PALM2AKAP2: variants seen among roughly 807,000 people sequenced by gnomAD.
The protein encoded by PALM2AKAP2 is PALM2 and AKAP2 fusion.
Under a neutral mutation model 71.5 loss-of-function variants are expected in PALM2AKAP2, and 37 were observed. That is an observed-to-expected ratio of 0.52 (90% CI 0.40 to 0.68). The LOEUF (loss-of-function observed/expected upper bound fraction) is 0.68, where lower values mean the gene tolerates loss of function less well. PALM2AKAP2 is among the 30% of genes least tolerant of loss of function. The pLI is 0.00. For missense variants in PALM2AKAP2, 1,224 were observed against 1,191.8 expected (o/e 1.03, Z -0.40); for synonymous variants, 468 against 478.8 (o/e 0.98, Z 0.29).
chr9:109,723,745 G>T (rs890265480), intron 1 of PALM2AKAP2, among the ~76,000 whole-genome samples: 1 of 152,230 alleles, frequency 6.6e-6, no homozygotes, highest in Non-Finnish European at 1.5e-5. Flanking sequence ...AAGCAAAGGT[G>T]GTGAGGGTGG....
At chr9:110,073,921 C>T (rs775498151) in intron 1 of PALM2AKAP2, among the ~76,000 whole-genome samples, 3 of 152,038 alleles carry the variant, frequency 2.0e-5, no homozygotes, top group African/African-American at 4.8e-5. Flanking sequence ...TGTGTCTTCC[C>T]ACAAAATACA....
At chr9:109,833,306 G>A (rs1358843839) in intron 1 of PALM2AKAP2, among the ~76,000 whole-genome samples, 1 of 152,172 alleles carries the variant, frequency 6.6e-6, no homozygotes, top group East Asian at 1.9e-4. Flanking sequence ...AGTAAGCCGG[G>A]ATCACGCCAC....
intron 6 of PALM2AKAP2, among the ~76,000 whole-genome samples, chr9:110,005,480 C>T (rs906412887): frequency 6.6e-6 from 1 of 152,234 alleles, no homozygotes; most frequent in Non-Finnish European, 1.5e-5. Context: ...GTCAGGGACC[C>T]ACTTGAGGAG....
At chr9:109,970,226 T>C (rs1307722614) in intron 6 of PALM2AKAP2, among the ~76,000 whole-genome samples, 1 of 152,222 alleles carries the variant, frequency 6.6e-6, no homozygotes, top group Non-Finnish European at 1.5e-5. Context: ...ATGAGAAAAG[T>C]AAAATTTTTG....
intron 1 of PALM2AKAP2, among the ~76,000 whole-genome samples, chr9:109,787,099 T>G (rs780763405): frequency 1.3e-5 from 2 of 151,906 alleles, no homozygotes; most frequent in Non-Finnish European, 2.9e-5. Context: ...GTCATTGTGG[T>G]GGGGTAGTTA....
intron 7 of PALM2AKAP2, among the ~76,000 whole-genome samples, chr9:110,019,266 A>C (rs1325648252): frequency 6.6e-6 from 1 of 151,018 alleles, no homozygotes; most frequent in Non-Finnish European, 1.5e-5. Context: ...AAAAAGAGAG[A>C]TACCATCTCA....
chr9:109,872,489 G>A (rs1258687053), intron 2 of PALM2AKAP2, among the ~76,000 whole-genome samples: 2 of 152,182 alleles, frequency 1.3e-5, no homozygotes, highest in Non-Finnish European at 2.9e-5. Context: ...AGTTGGCCCT[G>A]TCAGAATCAA....
chr9:109,954,978 C>T (rs1831720032), intron 6 of PALM2AKAP2, among the ~76,000 whole-genome samples: 1 of 152,096 alleles, frequency 6.6e-6, no homozygotes, highest in South Asian at 2.1e-4. Context: ...CGTTGTTCAT[C>T]ACCACCAACA....
At chr9:109,698,757 G>A (rs979856080) in intron 1 of PALM2AKAP2, among the ~76,000 whole-genome samples, 8 of 152,136 alleles carry the variant, frequency 5.3e-5, no homozygotes, top group Non-Finnish European at 8.8e-5. Flanking sequence ...ATTTGTTCAC[G>A]TGTTCTTTCA....
chr9:109,824,374 C>T (rs1031559413), intron 1 of PALM2AKAP2, among the ~76,000 whole-genome samples: 6 of 152,226 alleles, frequency 3.9e-5, no homozygotes, highest in African/African-American at 1.4e-4. Flanking sequence ...ATCCTTTCTG[C>T]TCCCTGCTAG....
At chr9:110,067,104 T>G (rs1834096863) in intron 1 of PALM2AKAP2, among the ~76,000 whole-genome samples, 1 of 152,122 alleles carries the variant, frequency 6.6e-6, no homozygotes, top group Non-Finnish European at 1.5e-5. Context: ...CTAACGTTAG[T>G]CTGTTTTATC....
At chr9:109,784,316 G>T (rs1424592032) in intron 1 of PALM2AKAP2, among the ~76,000 whole-genome samples, 2 of 152,196 alleles carry the variant, frequency 1.3e-5, no homozygotes, top group Non-Finnish European at 2.9e-5. Context: ...ATGAAAATGA[G>T]CATCCAGGAG....
chr9:110,015,657 C>G (rs779031333), intron 6 of PALM2AKAP2, among the ~76,000 whole-genome samples: 6 of 151,992 alleles, frequency 3.9e-5, no homozygotes, highest in Non-Finnish European at 8.8e-5. Context: ...AAGAAGAAGA[C>G]GAAGAGTTCA....
At chr9:109,925,038 C>G in intron 4 of PALM2AKAP2, 23 bp from the exon 5 acceptor site, 1 of 1,614,134 alleles carries the variant, frequency 6.2e-7, no homozygotes. Flanking sequence ...GAGTAACGCT[C>G]TGCCTTGTTT....
At chr9:109,708,596 A>G (rs1192654868) in intron 1 of PALM2AKAP2, among the ~76,000 whole-genome samples, 1 of 152,202 alleles carries the variant, frequency 6.6e-6, no homozygotes, top group Non-Finnish European at 1.5e-5. Flanking sequence ...AGGGATTTTT[A>G]TTTAGAAGCT....
At chr9:109,948,129 G>C (rs891251290) in intron 6 of PALM2AKAP2, among the ~76,000 whole-genome samples, 20 of 152,154 alleles carry the variant, frequency 1.3e-4, no homozygotes, top group African/African-American at 4.8e-4. Context: ...GCATTTTCTA[G>C]GGAAAAAGAA....
At chr9:109,657,938 T>TTGTGTG (rs35984840) in intron 1 of PALM2AKAP2, among the ~76,000 whole-genome samples, 4,063 of 142,504 alleles carry the variant, frequency 0.029, 79 homozygotes, top group East Asian at 0.057. Flanking sequence ...TTGTGTGTGT[T>TTGTGTG]TGTGTGTGTG....
chr9:109,897,734 T>G (rs781160051), intron 3 of PALM2AKAP2, among the ~76,000 whole-genome samples: 5 of 152,268 alleles, frequency 3.3e-5, no homozygotes, highest in Non-Finnish European at 4.4e-5. Flanking sequence ...TTCTGAATTA[T>G]GCTCCGAATC....
At chr9:110,018,742 A>G (rs184024732) in intron 7 of PALM2AKAP2, among the ~76,000 whole-genome samples, 1 of 152,342 alleles carries the variant, frequency 6.6e-6, no homozygotes, top group Admixed American at 6.5e-5. Flanking sequence ...TTCTAGGTGG[A>G]TATAACTACA....
Sources: gnomAD v4.1 joint callset for allele counts (sites outside exome capture counted in the v4.1 genomes callset) on GRCh38, gnomAD v4.1.1 for gene constraint, MANE v1.5 for transcripts, NCBI Gene and HGNC (gene_info 2026-07-23, HGNC 2026-07-21) for gene names.